The following LIN28B variants were observed in gnomAD, a reference collection of about 807,000 sequenced individuals.
LIN28B encodes lin-28 RNA binding posttranscriptional regulator B, also known as protein lin-28 homolog B.
Under a neutral mutation model 21.9 loss-of-function variants are expected in LIN28B, and 5 were observed. The ratio of observed to expected loss-of-function variants is 0.23; its 90% CI spans 0.12 to 0.48. LIN28B has a LOEUF of 0.48. Among genes scored for constraint, LIN28B ranks in the 20% least tolerant of loss-of-function variants. The pLI, the probability that LIN28B is intolerant of heterozygous loss-of-function variation, is 0.98. For missense variants in LIN28B, 245 were observed against 310.5 expected, an observed-to-expected ratio of 0.79 and a Z score of 1.58; for synonymous variants, 109 against 111.3, an observed-to-expected ratio of 0.98 and a Z score of 0.13.
chr6:105,018,556 G>C (rs1771074980), intron 2 of LIN28B, among the ~76,000 whole-genome samples: 1 of 151,984 alleles, frequency 6.6e-6, no homozygotes, highest in Non-Finnish European at 1.5e-5. Context: ...GTATGGTATA[G>C]ACCCCTCCTT....
intron 2 of LIN28B, among the ~76,000 whole-genome samples, chr6:105,011,378 A>T (rs545221220): frequency 6.6e-6 from 1 of 152,126 alleles, no homozygotes; most frequent in South Asian, 2.1e-4. Flanking sequence ...TTTTGTAGGG[A>T]CGGGATTTCA....
rs1562084916 is a variant in LIN28B, at chr6:104,992,509, TG to T, written c.199-33788del. Among the ~76,000 whole-genome samples the T allele has an allele frequency of 1.9e-3, 218 of 112,682 alleles. 1 individual carries two copies. Among genetic ancestry groups the T allele is most frequent in the African/African-American group, 5.4e-3 (182 of 33,970 alleles). 73.9% of individuals were successfully genotyped at this position (112,682 alleles called of 152,430 possible). A position where few individuals can be genotyped will look rare whatever the true frequency, so the allele number is the denominator to read the frequency against. On this transcript the variant is annotated intron_variant, in intron 2 of 3. Coordinates refer to ENST00000345080, the MANE Select transcript of LIN28B (RefSeq NM_001004317.4). ...TTGTGTGTGTGTGTGTGTGTGTGTG[TG>T]TGTGTTTTTTTTTTAAACAGGGTCT... is the stretch of plus-strand genomic sequence containing the variant.
At chr6:104,964,451 A>G (rs1769815629) in intron 2 of LIN28B, among the ~76,000 whole-genome samples, 1 of 152,354 alleles carries the variant, frequency 6.6e-6, no homozygotes, top group East Asian at 1.9e-4. Context: ...GGAATGAAAT[A>G]TGGGATATTT....
chr6:105,062,817 C>T (rs920368513), intron 3 of LIN28B, among the ~76,000 whole-genome samples: 2 of 151,566 alleles, frequency 1.3e-5, no homozygotes, highest in African/African-American at 4.8e-5. Flanking sequence ...TTTTCTTTAG[C>T]CTATGACAAA....
At chr6:104,956,385 G>C (rs963838274), upstream of LIN28B, among the ~76,000 whole-genome samples, 23 of 152,172 alleles carry the variant, frequency 1.5e-4, no homozygotes, top group African/African-American at 5.6e-4. Flanking sequence ...AGAGAAACCT[G>C]TGAAGTACAA....
At chr6:104,974,555 G>A (rs1057211546) in intron 2 of LIN28B, among the ~76,000 whole-genome samples, 2 of 150,678 alleles carry the variant, frequency 1.3e-5, no homozygotes, top group African/African-American at 2.4e-5. Flanking sequence ...TCTATAAACC[G>A]TAGTGTAAAC....
In LIN28B at chr6:105,063,640, G is replaced by T. The variant is rs576745414; in HGVS notation, c.384-14774G>T. Reference sequence around the variant, plus strand: ...GACAGAGCAAGACTCCATCTCGGGGGGGGGGGGGAAAAAAAGGTAAAGTAA... The same window carrying T: ...GACAGAGCAAGACTCCATCTCGGGGTGGGGGGGGAAAAAAAGGTAAAGTAA... On this transcript the variant is annotated intron_variant, in intron 3 of 3. Transcript: ENST00000345080. Among the ~76,000 whole-genome samples the T allele has an allele frequency of 1.3e-4, 18 of 141,836 alleles. 1 individual carries two copies. The highest frequency in any genetic ancestry group is 1.1e-3 in the South Asian group (5 of 4,442). The allele number at this position is 141,836 out of a possible 152,430, so 93.0% of individuals were successfully genotyped here.
At chr6:104,990,358 T>C (rs930205484) in intron 2 of LIN28B, among the ~76,000 whole-genome samples, 1 of 151,868 alleles carries the variant, frequency 6.6e-6, no homozygotes, top group African/African-American at 2.4e-5. Context: ...TCCTTACTGA[T>C]TTTTTTGTTT....
chr6:104,981,977 GT>G (rs1231283782), intron 2 of LIN28B, among the ~76,000 whole-genome samples: 3 of 152,162 alleles, frequency 2.0e-5, no homozygotes, highest in Non-Finnish European at 4.4e-5. Flanking sequence ...ACATAAAGGT[GT>G]TTGTGCATAG....
At chr6:105,047,090 C>G (rs1165114223) in intron 3 of LIN28B, among the ~76,000 whole-genome samples, 1 of 152,136 alleles carries the variant, frequency 6.6e-6, no homozygotes, top group Non-Finnish European at 1.5e-5. Context: ...GAAGTTCTTG[C>G]CCATGCCTAT....
At chr6:105,074,531 G>A (rs1388405107) in intron 3 of LIN28B, among the ~76,000 whole-genome samples, 1 of 152,074 alleles carries the variant, frequency 6.6e-6, no homozygotes, top group African/African-American at 2.4e-5. Context: ...TATTTTGATA[G>A]TGTCTCAAAA....
chr6:104,967,026 A>C (rs1411293590), intron 2 of LIN28B, among the ~76,000 whole-genome samples: 1 of 151,910 alleles, frequency 6.6e-6, no homozygotes, highest in African/African-American at 2.4e-5. Flanking sequence ...TCAGCCTGCC[A>C]AAGTTACAGA....
chr6:104,955,182 T>C (rs989047980), upstream of LIN28B, among the ~76,000 whole-genome samples: 8 of 152,238 alleles, frequency 5.3e-5, no homozygotes, highest in Non-Finnish European at 1.0e-4. Flanking sequence ...ATTACTTTCT[T>C]GTCAGTGTAA....
chr6:104,983,209 T>C (rs1186031794), intron 2 of LIN28B, among the ~76,000 whole-genome samples: 4 of 152,214 alleles, frequency 2.6e-5, no homozygotes, highest in Non-Finnish European at 5.9e-5. Flanking sequence ...GCATAACAGA[T>C]GAGCTAACAG....
chr6:105,007,748 T>C (rs1278875327), intron 2 of LIN28B, among the ~76,000 whole-genome samples: 1 of 152,114 alleles, frequency 6.6e-6, no homozygotes, highest in Admixed American at 6.5e-5. Context: ...CAGGCTTGTC[T>C]TGAAGTGCTG....
intron 3 of LIN28B, among the ~76,000 whole-genome samples, chr6:105,039,430 A>T (rs913388550): frequency 6.6e-6 from 1 of 152,188 alleles, no homozygotes; most frequent in Non-Finnish European, 1.5e-5. Flanking sequence ...CATCTCAAGG[A>T]TAACTCCTTT....
chr6:104,994,545 A>G (rs1770560282), intron 2 of LIN28B, among the ~76,000 whole-genome samples: 1 of 152,198 alleles, frequency 6.6e-6, no homozygotes, highest in South Asian at 2.1e-4. Flanking sequence ...AGTGACATAG[A>G]TCCTGTTGGG....
intron 2 of LIN28B, among the ~76,000 whole-genome samples, chr6:104,984,953 A>G (rs999640671): frequency 7.9e-5 from 12 of 152,166 alleles, no homozygotes; most frequent in Non-Finnish European, 1.3e-4. Flanking sequence ...CATTTTCTCC[A>G]TTACTTTCCT....
upstream of LIN28B, among the ~76,000 whole-genome samples, chr6:104,955,050 A>AT (rs748017916): frequency 2.0e-5 from 3 of 152,104 alleles, no homozygotes; most frequent in African/African-American, 7.2e-5. Context: ...ACTTTCTGAG[A>AT]TTTTTTTCCT....
Sources: gnomAD v4.1 joint callset for allele counts (sites outside exome capture counted in the v4.1 genomes callset) on GRCh38, gnomAD v4.1.1 for gene constraint, MANE v1.5 for transcripts, NCBI Gene and HGNC (gene_info 2026-07-23, HGNC 2026-07-21) for gene names.